Variants in L3MBTL4 observed in about 807,000 individuals in gnomAD.
L3MBTL4 encodes the protein L3MBTL histone methyl-lysine binding protein 4.
Under a neutral mutation model 84.5 loss-of-function variants are expected in L3MBTL4, and 70 were observed. That is an observed-to-expected ratio of 0.83 (90% CI 0.68 to 1.01). L3MBTL4 has a LOEUF of 1.01. Ranked by LOEUF, L3MBTL4 falls within the 50% of genes least tolerant of loss-of-function variation. L3MBTL4 has a pLI of 0.00. For missense variants in L3MBTL4, 715 were observed against 754.8 expected, an observed-to-expected ratio of 0.95 and a Z score of 0.62; for synonymous variants, 274 against 259.8, an observed-to-expected ratio of 1.05 and a Z score of -0.52.
At chr18:6,065,511 A>G (rs534835897) in intron 16 of L3MBTL4, among the ~76,000 whole-genome samples, 1 of 151,556 alleles carries the variant, frequency 6.6e-6, no homozygotes, top group Admixed American at 6.6e-5. Flanking sequence ...TTTTTGTATT[A>G]CTGATTAAAT....
chr18:6,043,944 G>C (rs2056509705), intron 16 of L3MBTL4, among the ~76,000 whole-genome samples: 1 of 152,052 alleles, frequency 6.6e-6, no homozygotes. Flanking sequence ...TCTTTCCTTT[G>C]ACCTCACTAC....
chr18:6,347,609 C>T (rs1312931198), intron 1 of L3MBTL4, among the ~76,000 whole-genome samples: 1 of 150,738 alleles, frequency 6.6e-6, no homozygotes, highest in Non-Finnish European at 1.5e-5. Flanking sequence ...AAATTAACAC[C>T]AATTCATAAC....
In L3MBTL4 at chr18:6,050,067, A is replaced by G. The variant is rs146366212; in HGVS notation, c.1444+30814T>C. Among the ~76,000 whole-genome samples, 446 of 152,316 alleles carry G rather than the reference A, an allele frequency of 2.9e-3. 4 individuals are homozygous for G. Among genetic ancestry groups the G allele is most frequent in the African/African-American group, 0.01 (433 of 41,576 alleles). On this transcript the variant is annotated intron_variant, in intron 16 of 18. Transcript: ENST00000317931. ...GGAAGGCAGTAAATACAGGATACTG[A>G]GTATTATAAGTAAGAAATTACCCAC... is the stretch of plus-strand genomic sequence containing the variant.
In L3MBTL4 at chr18:6,171,814, A is replaced by G. The variant is rs2043983566; in HGVS notation, c.1096+14T>C. 4 of 1,444,482 alleles carry G rather than the reference A, an allele frequency of 2.8e-6. No individual in the cohort carries two copies. Among genetic ancestry groups the G allele is most frequent in the Non-Finnish European group, 3.8e-6 (4 of 1,058,516 alleles). The allele number at this position is 1,444,482 out of a possible 1,614,324, so 89.5% of individuals were successfully genotyped here. A position where few individuals can be genotyped will look rare whatever the true frequency, so the allele number is the denominator to read the frequency against. On this transcript the variant is annotated intron_variant, in intron 13 of 18. Transcript: ENST00000317931. ...AAGTATTTAAAAAGCAACAACAAAG[A>G]GCAAAGTACTCACGCTGTGGCACTT...
intron 14 of L3MBTL4, among the ~76,000 whole-genome samples, chr18:6,129,064 A>T (rs893835748): frequency 1.3e-5 from 2 of 152,140 alleles, no homozygotes; most frequent in African/African-American, 2.4e-5. Flanking sequence ...ACTTCCAAGG[A>T]TAACAAGAGA....
chr18:6,030,869 A>G, intron 16 of L3MBTL4: 4 of 985,156 alleles, frequency 4.1e-6, no homozygotes, highest in Non-Finnish European at 4.8e-6. Context: ...ACTGCACTGT[A>G]GGATATAAAC....
intron 13 of L3MBTL4, among the ~76,000 whole-genome samples, chr18:6,159,373 C>T (rs953022957): frequency 6.6e-6 from 1 of 152,178 alleles, no homozygotes; most frequent in African/African-American, 2.4e-5. Context: ...CACTCTGGCT[C>T]TAACAAGCTG....
intron 4 of L3MBTL4, among the ~76,000 whole-genome samples, chr18:6,284,789 G>T (rs945460165): frequency 6.6e-6 from 1 of 152,230 alleles, no homozygotes; most frequent in South Asian, 2.1e-4. Context: ...GGAGGACATG[G>T]GTGGAGGCAG....
At chr18:6,240,632 C>A (rs2047412523) in intron 8 of L3MBTL4, among the ~76,000 whole-genome samples, 1 of 152,150 alleles carries the variant, frequency 6.6e-6, no homozygotes, top group Non-Finnish European at 1.5e-5. Context: ...ACTTCTCTTT[C>A]ATCAAACCCT....
chr18:6,349,240 T>C (rs1300992383), intron 1 of L3MBTL4, among the ~76,000 whole-genome samples: 1 of 152,194 alleles, frequency 6.6e-6, no homozygotes, highest in Non-Finnish European at 1.5e-5. Flanking sequence ...TATATAATAA[T>C]GTCCACAGCA....
intron 15 of L3MBTL4, among the ~76,000 whole-genome samples, chr18:6,086,198 A>G (rs1297383355): frequency 1.3e-5 from 2 of 152,180 alleles, no homozygotes; most frequent in Non-Finnish European, 2.9e-5. Flanking sequence ...CAGGTTAAGT[A>G]TACAGATGAT....
At chr18:6,337,728 G>C (rs541731490) in intron 1 of L3MBTL4, among the ~76,000 whole-genome samples, 1 of 152,044 alleles carries the variant, frequency 6.6e-6, no homozygotes, top group Non-Finnish European at 1.5e-5. Context: ...ACGTATGTTC[G>C]ATGAACTTTT....
intron 17 of L3MBTL4, among the ~76,000 whole-genome samples, chr18:5,967,208 C>G (rs1304283902): frequency 6.6e-6 from 1 of 152,254 alleles, no homozygotes; most frequent in Non-Finnish European, 1.5e-5. Context: ...TCCTGGGTTA[C>G]TTTCCTCTGT....
At chr18:6,363,473 T>C (rs933256033) in intron 1 of L3MBTL4, among the ~76,000 whole-genome samples, 3 of 152,176 alleles carry the variant, frequency 2.0e-5, no homozygotes, top group Admixed American at 2.0e-4. Flanking sequence ...GAAAGCGTGA[T>C]GTCAGAAGTG....
chr18:6,344,126 G>A (rs916529326), intron 1 of L3MBTL4, among the ~76,000 whole-genome samples: 15 of 151,596 alleles, frequency 9.9e-5, no homozygotes, highest in Admixed American at 8.5e-4. Flanking sequence ...TATGTGAGAC[G>A]ATCAACTTGA....
At chr18:6,311,718 A>C (rs934222192) in intron 2 of L3MBTL4, 62 bp from the exon 3 acceptor site, 1 of 911,630 alleles carries the variant, frequency 1.1e-6, no homozygotes, top group African/African-American at 1.7e-5. Flanking sequence ...GAATTACAGA[A>C]GCAAACAAGA....
intron 16 of L3MBTL4, among the ~76,000 whole-genome samples, chr18:6,041,462 CTTTTTTT>C (rs34117389): frequency 1.6e-5 from 2 of 124,112 alleles, no homozygotes; most frequent in Admixed American, 8.2e-5. Flanking sequence ...CTGAAATTGA[CTTTTTTT>C]TTTTTTTTTT....
intron 4 of L3MBTL4, among the ~76,000 whole-genome samples, chr18:6,285,488 G>A (rs1054988731): frequency 1.1e-4 from 16 of 151,696 alleles, no homozygotes; most frequent in African/African-American, 3.9e-4. Flanking sequence ...TATAAAGTGT[G>A]TGTGTGTGTG....
chr18:6,092,714 A>T (rs1276179629), intron 15 of L3MBTL4, among the ~76,000 whole-genome samples: 18 of 152,248 alleles, frequency 1.2e-4, no homozygotes, highest in Admixed American at 2.0e-4. Context: ...TGGAGAAAAG[A>T]TGTTATTTAA....
Sources: gnomAD v4.1 joint callset for allele counts (sites outside exome capture counted in the v4.1 genomes callset) on GRCh38, gnomAD v4.1.1 for gene constraint, MANE v1.5 for transcripts, NCBI Gene and HGNC (gene_info 2026-07-23, HGNC 2026-07-21) for gene names.